ITPR2: variants seen among roughly 807,000 people sequenced by gnomAD.
ITPR2 encodes the protein inositol 1,4,5-trisphosphate receptor type 2.
Under a neutral mutation model 317.1 loss-of-function variants are expected in ITPR2, and 207 were observed. The observed-to-expected ratio is 0.65, with a 90% CI of 0.58 to 0.73. The LOEUF (loss-of-function observed/expected upper bound fraction) is 0.73. ITPR2 is among the 30% of genes least tolerant of loss of function. ITPR2 has a pLI of 0.00. For missense variants in ITPR2, 2,613 were observed against 3,284.0 expected (o/e 0.80, Z 4.99); for synonymous variants, 1,156 against 1,149.1 (o/e 1.01, Z -0.12).
chr12:26,655,908 T>G, intron 19 of ITPR2, 56 bp from the exon 20 acceptor site: 1 of 1,512,858 alleles, frequency 6.6e-7, no homozygotes, highest in Non-Finnish European at 9.0e-7. Context: ...CATTTAAAAA[T>G]AGGAAAACAC....
At chr12:26,506,252 T>C (rs984138601) in intron 37 of ITPR2, among the ~76,000 whole-genome samples, 3 of 151,684 alleles carry the variant, frequency 2.0e-5, no homozygotes, top group Non-Finnish European at 2.9e-5. Flanking sequence ...CATACACCTA[T>C]GGTCCCAGTT....
intron 1 of ITPR2, among the ~76,000 whole-genome samples, chr12:26,799,585 G>C (rs914298058): frequency 6.6e-6 from 1 of 152,128 alleles, no homozygotes; most frequent in African/African-American, 2.4e-5. Context: ...GAGAGGATTT[G>C]CCCGTATATT....
intron 37 of ITPR2, among the ~76,000 whole-genome samples, chr12:26,497,719 T>TG (rs1942973044): frequency 6.7e-6 from 1 of 150,166 alleles, no homozygotes; most frequent in African/African-American, 2.5e-5. Flanking sequence ...TTTTTTTTTT[T>TG]TTTTTTTTTG....
At chr12:26,409,511 T>C (rs1940470537) in intron 52 of ITPR2, among the ~76,000 whole-genome samples, 1 of 152,158 alleles carries the variant, frequency 6.6e-6, no homozygotes, top group African/African-American at 2.4e-5. Context: ...AATGGAAATC[T>C]TCTAGAACAG....
chr12:26,786,449 TAAAA>T (rs59014121), intron 2 of ITPR2, among the ~76,000 whole-genome samples: 2,353 of 119,204 alleles, frequency 0.02, 46 homozygotes, highest in African/African-American at 0.05. Flanking sequence ...GAATGATCAA[TAAAA>T]AAAAAAAAAA....
chr12:26,715,595 T>TGG lies in ITPR2; in HGVS notation c.709-152_709-151dup, dbSNP rs530312604. 6.0e-6 allele frequency: 5 copies of TGG among 835,732 alleles called. No homozygotes were observed. The African/African-American group carries it at 8.6e-5, about 14-fold the overall frequency. 51.8% of individuals were successfully genotyped at this position (835,732 alleles called of 1,614,324 possible). Reference sequence around the variant, plus strand: ...ATGCTTATTTAAACATTTAAAAATGTGGGGGGGAAATTCAGTAAAACACTT... The same window carrying TGG: ...ATGCTTATTTAAACATTTAAAAATGTGGGGGGGGGAAATTCAGTAAAACACTT... On this transcript the variant is annotated intron_variant, in intron 7 of 56. Transcript: ENST00000381340.
chr12:26,589,825 TAA>T lies in ITPR2; in HGVS notation c.4380+5638_4380+5639del, dbSNP rs1565624312. Among the ~76,000 whole-genome samples the T allele has an allele frequency of 7.4e-3, 201 of 27,338 alleles. 30 individuals are homozygous for T. Among genetic ancestry groups the T allele is most frequent in the Non-Finnish European group, 0.014 (141 of 9,900 alleles). 17.9% of individuals were successfully genotyped at this position (27,338 alleles called of 152,430 possible). Reference sequence around the variant, plus strand: ...AATAAATAAAAAATAAATAAATAAATAAATAAACATATATATATATATATATA... The same window carrying T: ...AATAAATAAAAAATAAATAAATAAATATAAACATATATATATATATATATA... On this transcript the variant is annotated intron_variant, in intron 32 of 56. Transcript: ENST00000381340.
intron 36 of ITPR2, among the ~76,000 whole-genome samples, chr12:26,551,738 T>C (rs1944529182): frequency 6.6e-6 from 1 of 152,096 alleles, no homozygotes; most frequent in South Asian, 2.1e-4. Flanking sequence ...AGAGAAGACA[T>C]CCCTGCAAAG....
At position 26,428,024 on chromosome 12, in the gene ITPR2, C is replaced by T. The variant is rs761442193; in HGVS notation, c.6834G>A (p.Leu2278=). The change falls in exon 49 of 57, where the codon CTG becomes CTA. Residue 2278 remains leucine (L), a synonymous_variant. Transcript: ENST00000381340. ...WIAVAICTSM[L]FFFSKPVGIR... is the part of the protein sequence containing the mutation. ...TACCCACAGGCTTGGAGAAGAAAAA[C>T]AGCATAGATGTGCAGATCGCAACTG... The T allele has an allele frequency of 6.2e-7, 1 of 1,611,790 alleles. No homozygotes were observed. Among genetic ancestry groups the T allele is most frequent in the Non-Finnish European group, 8.5e-7 (1 of 1,178,868 alleles).
At chr12:26,697,194 T>C (rs1389365098) in intron 9 of ITPR2, among the ~76,000 whole-genome samples, 4 of 152,144 alleles carry the variant, frequency 2.6e-5, no homozygotes, top group African/African-American at 9.7e-5. Context: ...GCTGAACATT[T>C]AGAAAGAGGA....
rs1392085300 is a variant in ITPR2 at position 26,503,915 on chromosome 12, C to G, written c.5074-8655G>C. Among the ~76,000 whole-genome samples, 3 of 152,194 alleles carry G rather than the reference C, an allele frequency of 2.0e-5. No individual in the cohort carries two copies. The East Asian group carries it at 5.8e-4, about 29-fold the overall frequency. On this transcript the variant is annotated intron_variant, in intron 37 of 56. Coordinates refer to ENST00000381340, the MANE Select transcript of ITPR2 (RefSeq NM_002223.4). ...CACAAGACAGCCATGGTTTTCACAG[C>G]TGACATCAATATCCAGCTCCAACCT...
rs1316043847 is a variant in ITPR2 at position 26,665,918 on chromosome 12, G to A, written c.1543C>T (p.Leu515=). The change falls in exon 14 of 57, where the codon CTG becomes TTG. Residue 515 remains leucine (L), a synonymous_variant. Coordinates refer to ENST00000381340, the MANE Select transcript of ITPR2 (RefSeq NM_002223.4). ...RQKLMREQNI[L]AQVFGILKAP... ...TACATGAAAAAATTCACCTGTGCCA[G>A]TATGTTTTGTTCCCTCATCAATTTT... is the stretch of plus-strand genomic sequence containing the variant. 3 of 1,610,154 alleles carry A rather than the reference G, an allele frequency of 1.9e-6. No individual in the cohort carries two copies. The highest frequency in any genetic ancestry group is 2.5e-6 in the Non-Finnish European group (3 of 1,179,004).
chr12:26,574,548 G>A (rs1945232410), intron 34 of ITPR2, among the ~76,000 whole-genome samples: 1 of 152,058 alleles, frequency 6.6e-6, no homozygotes, highest in African/African-American at 2.4e-5. Context: ...ATCTAATATG[G>A]GAGACAAGAA....
chr12:26,397,778 T>C lies in ITPR2; in HGVS notation c.7696+1098A>G, dbSNP rs971158521. On this transcript the variant is annotated intron_variant, in intron 54 of 56. Coordinates refer to ENST00000381340, the MANE Select transcript of ITPR2 (RefSeq NM_002223.4). ...CAATTTGTTACATACAGTAACGTTGTAGTGAACCCTTAGGCTTGTTTTGTG... is the reference window on the plus strand; with the variant it reads ...CAATTTGTTACATACAGTAACGTTGCAGTGAACCCTTAGGCTTGTTTTGTG... Among the ~76,000 whole-genome samples, 48 of 152,174 alleles carry C rather than the reference T, an allele frequency of 3.2e-4. 1 individual carries two copies. Among genetic ancestry groups the C allele is most frequent in the Non-Finnish European group, 7.4e-5 (5 of 68,024 alleles).
At chr12:26,507,430 T>C (rs903952902) in intron 37 of ITPR2, among the ~76,000 whole-genome samples, 1 of 152,206 alleles carries the variant, frequency 6.6e-6, no homozygotes, top group Non-Finnish European at 1.5e-5. Flanking sequence ...ATCAGTTTGA[T>C]TCCCTGTGGC....
intron 2 of ITPR2, among the ~76,000 whole-genome samples, chr12:26,734,641 AGTCTAACACAGGGTATTTTAT>A (rs1427161260): frequency 6.6e-6 from 1 of 150,634 alleles, no homozygotes; most frequent in African/African-American, 2.5e-5. Flanking sequence ...AAAAAAAAAA[AGTCTAACACAGGGTATTTTAT>A]GCCAAGTCAC....
intron 15 of ITPR2, 77 bp from the exon 16 acceptor site, chr12:26,659,362 T>A (rs1947445757): frequency 8.0e-7 from 1 of 1,244,586 alleles, no homozygotes; most frequent in Non-Finnish European, 1.1e-6. Context: ...TCAACAACAT[T>A]GATTAATTTA....
chr12:26,504,731 T>C (rs1456830902), intron 37 of ITPR2, among the ~76,000 whole-genome samples: 1 of 152,138 alleles, frequency 6.6e-6, no homozygotes, highest in Non-Finnish European at 1.5e-5. Context: ...AGGAAACAAA[T>C]AGTATCCCAT....
At chr12:26,417,468 G>T (rs1319748471) in intron 50 of ITPR2, among the ~76,000 whole-genome samples, 1 of 152,158 alleles carries the variant, frequency 6.6e-6, no homozygotes, top group East Asian at 1.9e-4. Flanking sequence ...ATTGGATCAT[G>T]GGGGTGGTTT....
Sources: gnomAD v4.1 joint callset for allele counts (sites outside exome capture counted in the v4.1 genomes callset) on GRCh38, gnomAD v4.1.1 for gene constraint, MANE v1.5 for transcripts, NCBI Gene and HGNC (gene_info 2026-07-23, HGNC 2026-07-21) for gene names.